GPC5: variants seen among roughly 807,000 people sequenced by gnomAD.
GPC5 encodes glypican 5, also known as glypican-5.
A neutral mutation model predicts 53.9 loss-of-function variants in GPC5; 47 were observed. The ratio of observed to expected loss-of-function variants is 0.87; its 90% CI spans 0.69 to 1.11. The LOEUF is 1.11. GPC5 is among the 50% of genes most tolerant of loss of function. GPC5 has a pLI of 0.00. For missense variants in GPC5, 748 were observed against 713.1 expected, an observed-to-expected ratio of 1.05 and a Z score of -0.56; for synonymous variants, 286 against 263.3, an observed-to-expected ratio of 1.09 and a Z score of -0.84.
chr13:91,871,695 G>GT (rs112446440), intron 5 of GPC5, among the ~76,000 whole-genome samples: 193 of 145,772 alleles, frequency 1.3e-3, no homozygotes, highest in Middle Eastern at 3.6e-3. Context: ...TTCAAATTAA[G>GT]TTTTTTTTTT....
chr13:92,754,066 A>G (rs1053585108), intron 7 of GPC5, among the ~76,000 whole-genome samples: 7 of 152,320 alleles, frequency 4.6e-5, no homozygotes, highest in Admixed American at 2.0e-4. Flanking sequence ...AAAATGTTAA[A>G]GGCAGCCAGA....
At chr13:92,656,579 T>G (rs1886144659) in intron 7 of GPC5, among the ~76,000 whole-genome samples, 1 of 152,192 alleles carries the variant, frequency 6.6e-6, no homozygotes. Context: ...GTTATTTATA[T>G]ACCCACCCAC....
chr13:92,544,018 A>G (rs1377351423), intron 7 of GPC5, among the ~76,000 whole-genome samples: 1 of 152,006 alleles, frequency 6.6e-6, no homozygotes, highest in East Asian at 1.9e-4. Flanking sequence ...TTAAATTTCA[A>G]AATGCCAAAT....
chr13:92,431,802 G>T (rs559044734), intron 7 of GPC5, among the ~76,000 whole-genome samples: 1 of 152,246 alleles, frequency 6.6e-6, no homozygotes, highest in African/African-American at 2.4e-5. Context: ...CTGTTTAAAA[G>T]GCTGTTTATG....
intron 7 of GPC5, among the ~76,000 whole-genome samples, chr13:92,378,235 G>A (rs2043710530): frequency 6.6e-6 from 1 of 151,996 alleles, no homozygotes; most frequent in African/African-American, 2.4e-5. Context: ...CAGTTATCAG[G>A]GTATTCTTGA....
intron 7 of GPC5, among the ~76,000 whole-genome samples, chr13:92,207,500 C>T (rs947375421): frequency 1.3e-4 from 20 of 152,194 alleles, no homozygotes; most frequent in African/African-American, 4.6e-4. Context: ...CTGCTTTTCC[C>T]TCCACCATAA....
At chr13:92,361,160 A>G in intron 7 of GPC5, among the ~76,000 whole-genome samples, 1 of 151,874 alleles carries the variant, frequency 6.6e-6, no homozygotes, top group South Asian at 2.1e-4. Context: ...CTTAATTTTT[A>G]AAAATAATGG....
rs559354775 is a variant in GPC5, at chr13:92,067,549, G to A, written c.1402-77281G>A. 4.4e-4 allele frequency among the ~76,000 whole-genome samples: 67 copies of A among 152,060 alleles called. 1 individual carries two copies. The South Asian group carries it at 0.014, about 32-fold the overall frequency. On this transcript the variant is annotated intron_variant, in intron 6 of 7. Coordinates refer to ENST00000377067, the MANE Select transcript of GPC5 (RefSeq NM_004466.6). ...TGACAGCTGGAGGAAAAAATTCCAA[G>A]CAACATGTGTAGGTAATTGTGGTTA...
Position 92,780,657 on chromosome 13 carries a change from T to C in GPC5, c.1562-85625T>C, listed in dbSNP as rs561333654. Reference sequence around the variant, plus strand: ...TCCCAGATTATACCCACTTAGAAGATTGGTGCCCTCTTTGTGCAGAAAACA... The same window carrying C: ...TCCCAGATTATACCCACTTAGAAGACTGGTGCCCTCTTTGTGCAGAAAACA... On this transcript the variant is annotated intron_variant, in intron 7 of 7. Coordinates refer to ENST00000377067, the MANE Select transcript of GPC5 (RefSeq NM_004466.6). Among the ~76,000 whole-genome samples the C allele has an allele frequency of 2.7e-3, 402 of 151,300 alleles. 2 individuals are homozygous for C. Among genetic ancestry groups the C allele is most frequent in the African/African-American group, 9.2e-3 (377 of 41,096 alleles).
intron 3 of GPC5, among the ~76,000 whole-genome samples, chr13:91,715,877 G>A (rs540147648): frequency 2.0e-5 from 3 of 151,324 alleles, no homozygotes; most frequent in Non-Finnish European, 2.9e-5. Flanking sequence ...AGGCTCAAGC[G>A]ATCCTCCCAC....
At chr13:91,921,338 A>G (rs920485594) in intron 6 of GPC5, among the ~76,000 whole-genome samples, 42 of 152,166 alleles carry the variant, frequency 2.8e-4, no homozygotes, top group African/African-American at 9.9e-4. Context: ...TTGAATACAT[A>G]AGAATGGGAA....
intron 1 of GPC5, among the ~76,000 whole-genome samples, chr13:91,445,262 T>C (rs1880708327): frequency 6.6e-6 from 1 of 152,156 alleles, no homozygotes; most frequent in South Asian, 2.1e-4. Context: ...TGAAGTAAAA[T>C]AAAGGTTACT....
intron 7 of GPC5, among the ~76,000 whole-genome samples, chr13:92,808,581 ATGGC>A (rs1354061529): frequency 3.3e-5 from 5 of 152,088 alleles, no homozygotes; most frequent in African/African-American, 1.2e-4. Flanking sequence ...CACTCAAATT[ATGGC>A]TGACTTAATA....
At chr13:91,591,119 G>A (rs1339198067) in intron 2 of GPC5, among the ~76,000 whole-genome samples, 1 of 152,192 alleles carries the variant, frequency 6.6e-6, no homozygotes, top group Non-Finnish European at 1.5e-5. Context: ...CACCTCATAA[G>A]TGTTTGTTAA....
intron 7 of GPC5, among the ~76,000 whole-genome samples, chr13:92,403,862 G>A (rs142785871): frequency 0.012 from 1,772 of 152,190 alleles, 15 homozygotes; most frequent in Non-Finnish European, 0.018. Flanking sequence ...ACTATTCATA[G>A]AGCTAATAAT....
At chr13:92,773,186 A>G (rs1875674789) in intron 7 of GPC5, among the ~76,000 whole-genome samples, 1 of 152,206 alleles carries the variant, frequency 6.6e-6, no homozygotes, top group Non-Finnish European at 1.5e-5. Context: ...TGAAATAAAT[A>G]CACATTCTCT....
intron 7 of GPC5, among the ~76,000 whole-genome samples, chr13:92,520,669 G>A (rs1054048197): frequency 6.6e-6 from 1 of 152,076 alleles, no homozygotes; most frequent in Non-Finnish European, 1.5e-5. Flanking sequence ...CCCACAGCCA[G>A]TATCATACTG....
At chr13:91,456,338 A>G (rs1881551002) in intron 2 of GPC5, among the ~76,000 whole-genome samples, 1 of 151,988 alleles carries the variant, frequency 6.6e-6, no homozygotes, top group Non-Finnish European at 1.5e-5. Flanking sequence ...TTATATTTCC[A>G]AATGTTAACT....
intron 1 of GPC5, among the ~76,000 whole-genome samples, chr13:91,430,428 T>G (rs993676044): frequency 6.6e-6 from 1 of 152,170 alleles, no homozygotes; most frequent in African/African-American, 2.4e-5. Flanking sequence ...GCCAATAAAG[T>G]CAATAAAATA....
Sources: allele counts gnomAD v4.1 joint callset (sites outside exome capture counted in the v4.1 genomes callset), GRCh38; gene constraint gnomAD v4.1.1; transcripts MANE v1.5; gene names NCBI Gene and HGNC (gene_info 2026-07-23, HGNC 2026-07-21).